The following DOCK8 variants were observed in gnomAD, a reference collection of about 807,000 sequenced individuals.
DOCK8 encodes the protein dedicator of cytokinesis protein 8.
In DOCK8, 141 loss-of-function variants were observed where a neutral mutation model predicts 245.6. The observed-to-expected ratio is 0.57, with a 90% CI of 0.50 to 0.66. The LOEUF (loss-of-function observed/expected upper bound fraction) is 0.66. Among genes scored for constraint, DOCK8 ranks in the 30% least tolerant of loss-of-function variants. The probability of loss-of-function intolerance (pLI) is 0.00; values close to 1 mark genes in which losing one functional copy is unlikely to be tolerated. For synonymous variants in DOCK8, 1,168 were observed against 970.2 expected (o/e 1.20, Z -3.79); for missense variants, 2,965 against 2,603.4 (o/e 1.14, Z -3.02).
intron 2 of DOCK8, chr9:280,765 G>T (rs1293123380): frequency 1.3e-5 from 2 of 152,140 alleles, no homozygotes; most frequent in Non-Finnish European, 2.9e-5. Flanking sequence ...CTACAAAATG[G>T]CTGCAGTCTC....
chr9:270,995 T>G (rs560715508), intron 1 of DOCK8, among the ~76,000 whole-genome samples: 45 of 152,296 alleles, frequency 3.0e-4, no homozygotes, highest in African/African-American at 1.1e-3. Flanking sequence ...GAGTAGACAG[T>G]GGGGAACAAT....
chr9:213,396 A>G (rs1260733230), upstream of DOCK8: 1 of 152,192 alleles, frequency 6.6e-6, no homozygotes, highest in African/African-American at 2.4e-5. Context: ...ATAGGAATAT[A>G]ATGAGGCTCA....
At chr9:336,174 A>G (rs1471666315) in intron 11 of DOCK8, among the ~76,000 whole-genome samples, 1 of 152,222 alleles carries the variant, frequency 6.6e-6, no homozygotes. Context: ...GGTCACAATC[A>G]CAAATGCCTT....
At chr9:420,894 C>G in intron 31 of DOCK8, 55 bp from the exon 32 acceptor site, 1 of 1,611,252 alleles carries the variant, frequency 6.2e-7, no homozygotes, top group African/African-American at 1.3e-5. Context: ...GGTAACTCTC[C>G]CCATCAACGG....
At chr9:355,301 A>T (rs10758264) in intron 14 of DOCK8, among the ~76,000 whole-genome samples, 132,366 of 150,640 alleles carry the variant, frequency 0.88, 58,674 homozygotes, top group East Asian at 0.99. Context: ...CCTTCCTGGT[A>T]CAAGCGATTC....
chr9:212,438 G>A (rs576835230), upstream of DOCK8, among the ~76,000 whole-genome samples: 53 of 152,202 alleles, frequency 3.5e-4, no homozygotes, highest in Non-Finnish European at 5.6e-4. Context: ...CGGAAAGAAG[G>A]AGGCCTCCCA....
Position 260,319 on chromosome 9 carries a change from T to C in DOCK8, c.54-11308T>C, listed in dbSNP as rs189898547. Reference sequence around the variant, plus strand: ...AAACAAAGGGATTAACTTTACTAGATAGCAACTTCCTGCCCATAAAGTTAA... The same window carrying C: ...AAACAAAGGGATTAACTTTACTAGACAGCAACTTCCTGCCCATAAAGTTAA... On this transcript the variant is annotated intron_variant, in intron 1 of 47. Coordinates refer to ENST00000432829, the MANE Select transcript of DOCK8 (RefSeq NM_203447.4). 1.6e-4 allele frequency among the ~76,000 whole-genome samples: 25 copies of C among 152,286 alleles called. No individual in the cohort carries two copies. The East Asian group carries it at 4.4e-3, about 27-fold the overall frequency.
At chr9:358,466 G>T (rs2052555997) in intron 14 of DOCK8, among the ~76,000 whole-genome samples, 1 of 152,186 alleles carries the variant, frequency 6.6e-6, no homozygotes, top group African/African-American at 2.4e-5. Flanking sequence ...CTGAGTGAAA[G>T]GAAAATAAGG....
intron 23 of DOCK8, among the ~76,000 whole-genome samples, chr9:387,317 C>T (rs2053997232): frequency 6.6e-6 from 1 of 152,008 alleles, no homozygotes; most frequent in African/African-American, 2.4e-5. Flanking sequence ...ATGGCAGGCA[C>T]CTGTAATCTC....
At chr9:377,759 C>T (rs901760376) in intron 20 of DOCK8, among the ~76,000 whole-genome samples, 9 of 152,216 alleles carry the variant, frequency 5.9e-5, no homozygotes, top group African/African-American at 1.9e-4. Context: ...CCATCACTCC[C>T]TATTCATCCC....
chr9:336,254 T>C (rs2130893060), intron 11 of DOCK8, among the ~76,000 whole-genome samples: 2 of 152,342 alleles, frequency 1.3e-5, no homozygotes, highest in Middle Eastern at 6.8e-3. Context: ...GCAAACACTG[T>C]GCTGACTAAA....
chr9:289,750 C>T (rs747713771), intron 4 of DOCK8, among the ~76,000 whole-genome samples, 169 bp downstream of exon 4: 42 of 152,150 alleles, frequency 2.8e-4, no homozygotes, highest in Non-Finnish European at 5.3e-4. Context: ...ACACACAGTT[C>T]CCCCTATTAT....
chr9:430,932 C>G (rs1232814196), intron 36 of DOCK8, among the ~76,000 whole-genome samples: 1 of 152,018 alleles, frequency 6.6e-6, no homozygotes, highest in African/African-American at 2.4e-5. Flanking sequence ...TGTAGTGGCA[C>G]TATCAGAGCT....
chr9:313,853 T>C (rs2050232697), intron 6 of DOCK8, among the ~76,000 whole-genome samples: 1 of 152,260 alleles, frequency 6.6e-6, no homozygotes, highest in Admixed American at 6.5e-5. Context: ...ATCAAAACAT[T>C]ACTTGATTTA....
chr9:333,329 TGG>T (rs1563931307), intron 10 of DOCK8, among the ~76,000 whole-genome samples: 9 of 152,202 alleles, frequency 5.9e-5, no homozygotes, highest in African/African-American at 2.2e-4. Flanking sequence ...TGGCCGGGCG[TGG>T]TGGCTCACAC....
At chr9:400,004 C>A (rs62531864) in intron 26 of DOCK8, among the ~76,000 whole-genome samples, 1 of 99,028 alleles carries the variant, frequency 1.0e-5, no homozygotes. Context: ...ACCTCCACCA[C>A]CTCCACCATC....
rs756906338 is a variant in DOCK8, at chr9:452,157, G to C, written c.6068+40G>C. 1.2e-5 allele frequency: 16 copies of C among 1,336,188 alleles called. 1 individual carries two copies. The South Asian group carries it at 1.9e-4, about 16-fold the overall frequency. 82.8% of individuals were successfully genotyped at this position (1,336,188 alleles called of 1,614,324 possible). ...GGCTGGGAATTTCAGTAGAGCAGTG[G>C]TTCTCAAAGTGCAATCTTAGACCAG... On this transcript the variant is annotated intron_variant, in intron 46 of 47. Transcript: ENST00000432829.
At chr9:322,898 G>A (rs2050582890) in intron 7 of DOCK8, among the ~76,000 whole-genome samples, 2 of 151,980 alleles carry the variant, frequency 1.3e-5, no homozygotes, top group South Asian at 4.2e-4. Context: ...TTTGAGACCA[G>A]CCTGGACAAC....
At chr9:365,245 A>G (rs2052926886) in intron 14 of DOCK8, among the ~76,000 whole-genome samples, 1 of 152,218 alleles carries the variant, frequency 6.6e-6, no homozygotes, top group Non-Finnish European at 1.5e-5. Flanking sequence ...ATCTATTGAG[A>G]AGGCGTTGCA....
Sources: allele counts gnomAD v4.1 joint callset (sites outside exome capture counted in the v4.1 genomes callset), GRCh38; gene constraint gnomAD v4.1.1; transcripts MANE v1.5; gene names NCBI Gene and HGNC (gene_info 2026-07-23, HGNC 2026-07-21).